The following NR3C1 variants were observed in gnomAD, a reference collection of about 807,000 sequenced individuals.
NR3C1 encodes the protein nuclear receptor subfamily 3 group C member 1.
Under a neutral mutation model 74.0 loss-of-function variants are expected in NR3C1, and 14 were observed. That is an observed-to-expected ratio of 0.19 (90% CI 0.12 to 0.30). The LOEUF (loss-of-function observed/expected upper bound fraction) is 0.30. Ranked by LOEUF, NR3C1 falls within the 10% of genes least tolerant of loss-of-function variation. NR3C1 has a pLI of 1.00. For synonymous variants in NR3C1, 308 were observed against 332.5 expected, an observed-to-expected ratio of 0.93 and a Z score of 0.80; for missense variants, 695 against 909.8, an observed-to-expected ratio of 0.76 and a Z score of 3.04.
intron 1 of NR3C1, among the ~76,000 whole-genome samples, chr5:143,429,359 G>T (rs756836152): frequency 1.3e-5 from 2 of 152,202 alleles, no homozygotes; most frequent in Admixed American, 6.5e-5. Flanking sequence ...ATGGTTAAAT[G>T]AATACCTCAT....
At chr5:143,319,353 T>A (rs1042591622) in intron 2 of NR3C1, among the ~76,000 whole-genome samples, 4 of 152,178 alleles carry the variant, frequency 2.6e-5, no homozygotes, top group African/African-American at 7.2e-5. Flanking sequence ...GTCTTCAATT[T>A]AAGTGAATTA....
chr5:143,291,709 A>T (rs1382971643), intron 7 of NR3C1, among the ~76,000 whole-genome samples: 1 of 152,200 alleles, frequency 6.6e-6, no homozygotes, highest in Non-Finnish European at 1.5e-5. Flanking sequence ...CCTTTGACCT[A>T]TCTATCTTCA....
intron 2 of NR3C1, among the ~76,000 whole-genome samples, chr5:143,339,014 T>C (rs1827715651): frequency 1.3e-5 from 2 of 152,214 alleles, no homozygotes; most frequent in South Asian, 4.1e-4. Flanking sequence ...CAGTGTTCAG[T>C]ACAGTAACAT....
At chr5:143,293,429 C>A (rs1304466648) in intron 7 of NR3C1, among the ~76,000 whole-genome samples, 1 of 152,094 alleles carries the variant, frequency 6.6e-6, no homozygotes. Context: ...GTGTACACTG[C>A]TCGGGTGATG....
At chr5:143,374,834 G>A (rs1346027537) in intron 2 of NR3C1, among the ~76,000 whole-genome samples, 7 of 151,980 alleles carry the variant, frequency 4.6e-5, no homozygotes, top group Admixed American at 6.6e-5. Flanking sequence ...CCCAGGATAC[G>A]TTTTTAAGAG....
At chr5:143,308,087 C>G (rs577558735) in intron 4 of NR3C1, among the ~76,000 whole-genome samples, 19 of 152,242 alleles carry the variant, frequency 1.2e-4, no homozygotes, top group African/African-American at 4.6e-4. Flanking sequence ...TAGTCATACC[C>G]ATAAATCTAT....
At chr5:143,423,057 AT>A (rs1751320744) in intron 1 of NR3C1, among the ~76,000 whole-genome samples, 1 of 152,166 alleles carries the variant, frequency 6.6e-6, no homozygotes, top group Non-Finnish European at 1.5e-5. Context: ...ATGGCAAGAG[AT>A]GACATTGGTC....
At chr5:143,398,356 GTTTT>G (rs35241746) in intron 2 of NR3C1, among the ~76,000 whole-genome samples, 10 of 85,340 alleles carry the variant, frequency 1.2e-4, no homozygotes, top group Admixed American at 6.2e-4. Flanking sequence ...AGGTTTTTTG[GTTTT>G]TTTTTTTTTT....
At chr5:143,368,874 A>T (rs966743303) in intron 2 of NR3C1, among the ~76,000 whole-genome samples, 1 of 152,172 alleles carries the variant, frequency 6.6e-6, no homozygotes, top group Non-Finnish European at 1.5e-5. Flanking sequence ...CAGCTGATGA[A>T]GAACTTCTTG....
At chr5:143,418,350 C>T (rs1751023555) in intron 1 of NR3C1, among the ~76,000 whole-genome samples, 1 of 152,142 alleles carries the variant, frequency 6.6e-6, no homozygotes. Context: ...TGGCTTTGTC[C>T]CCCTTTCTTC....
intron 1 of NR3C1, among the ~76,000 whole-genome samples, chr5:143,421,389 A>C (rs1001274018): frequency 6.6e-6 from 1 of 152,168 alleles, no homozygotes; most frequent in Non-Finnish European, 1.5e-5. Context: ...GCTGCTTGTT[A>C]GCTACAGTGA....
At chr5:143,331,084 T>C (rs1292722155) in intron 2 of NR3C1, among the ~76,000 whole-genome samples, 1 of 152,158 alleles carries the variant, frequency 6.6e-6, no homozygotes, top group African/African-American at 2.4e-5. Flanking sequence ...CAAAACAGCA[T>C]GGTATTGGTA....
intron 7 of NR3C1, among the ~76,000 whole-genome samples, chr5:143,288,118 A>AT (rs869233990): frequency 0.014 from 1,989 of 141,302 alleles, 14 homozygotes; most frequent in East Asian, 0.028. Context: ...AACAACTGGA[A>AT]TTTTTTTTTT....
chr5:143,303,176 T>C (rs1170603352), intron 4 of NR3C1, among the ~76,000 whole-genome samples: 1 of 132,630 alleles, frequency 7.5e-6, no homozygotes, highest in Non-Finnish European at 1.5e-5. Context: ...AAGTAGACAA[T>C]CTAGAGGAAA....
chr5:143,412,263 CA>C (rs1442497482), intron 1 of NR3C1, among the ~76,000 whole-genome samples: 3 of 66,052 alleles, frequency 4.5e-5, no homozygotes, highest in South Asian at 4.3e-4. Flanking sequence ...CCTCAAAGTG[CA>C]GGGGGGGAGG....
exon 1 of NR3C1, chr5:143,435,242 G>A: frequency 1.0e-6 from 1 of 985,304 alleles, no homozygotes; most frequent in Non-Finnish European, 1.2e-6. Context: ...TCATGCCCCA[G>A]TGCTTCCGTT....
intron 1 of NR3C1, chr5:143,401,445 T>G (rs1840265704): frequency 6.3e-6 from 1 of 158,022 alleles, no homozygotes; most frequent in Admixed American, 6.1e-5. Context: ...TAAACAATGC[T>G]GATCTGCTTA....
rs556688875 is a variant in NR3C1, at chr5:143,331,690, C to G, written c.1185-17522G>C. 6.6e-5 allele frequency among the ~76,000 whole-genome samples: 10 copies of G among 152,242 alleles called. No individual in the cohort carries two copies. The South Asian group carries it at 2.1e-3, about 32-fold the overall frequency. On this transcript the variant is annotated intron_variant, in intron 2 of 8. Transcript: ENST00000394464. The stretch of plus-strand genomic sequence containing the variant: ...GCAAACTAACACAGGAATAGAAAAC[C>G]AAATACCACATGTTCTTCTCAGTTA...
intron 4 of NR3C1, among the ~76,000 whole-genome samples, chr5:143,304,830 G>A (rs1819238193): frequency 6.6e-6 from 1 of 152,048 alleles, no homozygotes; most frequent in South Asian, 2.1e-4. Flanking sequence ...AATGGTGCTG[G>A]GATAACTGGC....
Sources: gnomAD v4.1 joint callset for allele counts (sites outside exome capture counted in the v4.1 genomes callset) on GRCh38, gnomAD v4.1.1 for gene constraint, MANE v1.5 for transcripts, NCBI Gene and HGNC (gene_info 2026-07-23, HGNC 2026-07-21) for gene names.